DNAI4: variants seen among roughly 807,000 people sequenced by gnomAD.
The protein encoded by DNAI4 is dynein axonemal intermediate chain 4.
Under a neutral mutation model 105.8 loss-of-function variants are expected in DNAI4, and 85 were observed. The ratio of observed to expected loss-of-function variants is 0.80; its 90% confidence interval spans 0.67 to 0.96. The LOEUF is 0.96. DNAI4 is among the 40% of genes least tolerant of loss of function. The probability of loss-of-function intolerance (pLI) is 0.00; values close to 1 mark genes in which losing one functional copy is unlikely to be tolerated. For missense variants in DNAI4, 1,014 were observed against 1,005.6 expected (o/e 1.01, Z -0.11); for synonymous variants, 352 against 331.5 (o/e 1.06, Z -0.67).
At chr1:66,909,095 A>G (rs1649465613) in intron 1 of DNAI4, among the ~76,000 whole-genome samples, 1 of 152,084 alleles carries the variant, frequency 6.6e-6, no homozygotes, top group South Asian at 2.1e-4. Flanking sequence ...CTCTCTCTGC[A>G]TCATAAGTTT....
chr1:66,836,223 AGAGAGAGAG>A (rs1646001323), intron 10 of DNAI4, among the ~76,000 whole-genome samples: 7 of 148,758 alleles, frequency 4.7e-5, no homozygotes, highest in South Asian at 2.1e-4. Flanking sequence ...AGAGAGAGAG[AGAGAGAGAG>A]AGAAAGAAAG....
In DNAI4 at chr1:66,835,767, C is replaced by A. The variant is rs759264133; in HGVS notation, c.1592G>T (p.Arg531Leu). 5.6e-6 allele frequency: 9 copies of A among 1,613,626 alleles called. No homozygotes were observed. In the South Asian group the frequency reaches 9.9e-5, roughly 18 times the overall value. Residue 531 changes from arginine (R) to leucine (L), a missense_variant, in exon 11 of 17, where the codon CGT becomes CTT. Coordinates refer to ENST00000371026, the MANE Select transcript of DNAI4 (RefSeq NM_024763.5). ...AACTCCATATGGACTCTGATAAATA[C>A]GTTCTGGCCACTAAATTTTAAAAAA... is the stretch of plus-strand genomic sequence containing the variant. Reference protein sequence around the residue: ...WSIKNPMWPERIYQSPYGVTA... With the variant: ...WSIKNPMWPELIYQSPYGVTA...
chr1:66,923,193 T>C (rs1441665016), intron 1 of DNAI4, among the ~76,000 whole-genome samples: 1 of 152,236 alleles, frequency 6.6e-6, no homozygotes, highest in African/African-American at 2.4e-5. Context: ...GTTGGTAGCC[T>C]AGAAGCAACA....
At chr1:66,837,635 T>C (rs745426101) in intron 10 of DNAI4, 75 bp downstream of exon 10, 7 of 1,407,344 alleles carry the variant, frequency 5.0e-6, no homozygotes, top group South Asian at 1.3e-5. Flanking sequence ...ATTTAATTAT[T>C]ACATGTAATT....
At chr1:66,904,021 G>A (rs1020243785) in intron 2 of DNAI4, among the ~76,000 whole-genome samples, 2 of 149,146 alleles carry the variant, frequency 1.3e-5, no homozygotes, top group African/African-American at 2.5e-5. Context: ...GTTTGTGTGT[G>A]TATATATACA....
At chr1:66,814,587 C>T (rs543915424) in intron 16 of DNAI4, among the ~76,000 whole-genome samples, 1 of 152,262 alleles carries the variant, frequency 6.6e-6, no homozygotes, top group South Asian at 2.1e-4. Flanking sequence ...CTAGGATGGT[C>T]TCGATCTCCT....
intron 7 of DNAI4, among the ~76,000 whole-genome samples, chr1:66,854,926 C>G (rs1646469592): frequency 6.6e-6 from 1 of 152,148 alleles, no homozygotes; most frequent in South Asian, 2.1e-4. Context: ...GTAAAGATAT[C>G]AATTCTTTTT....
At chr1:66,820,601 G>A (rs1055032041) in intron 16 of DNAI4, among the ~76,000 whole-genome samples, 15 of 152,002 alleles carry the variant, frequency 9.9e-5, no homozygotes, top group African/African-American at 2.9e-4. Context: ...GCAAGTTTAT[G>A]TATATTCAAA....
At chr1:66,855,522 G>T (rs929860929) in intron 7 of DNAI4, among the ~76,000 whole-genome samples, 1 of 152,154 alleles carries the variant, frequency 6.6e-6, no homozygotes, top group African/African-American at 2.4e-5. Context: ...AATGGAGAAA[G>T]ATATACTATC....
At chr1:66,887,367 G>A (rs55844007) in intron 4 of DNAI4, among the ~76,000 whole-genome samples, 42 of 152,164 alleles carry the variant, frequency 2.8e-4, no homozygotes, top group African/African-American at 9.2e-4. Context: ...TTTTCCATTT[G>A]TCCAACTTTT....
At chr1:66,831,025 A>G (rs112289458) in intron 13 of DNAI4, among the ~76,000 whole-genome samples, 18 of 151,030 alleles carry the variant, frequency 1.2e-4, no homozygotes, top group African/African-American at 3.6e-4. Context: ...ATATTCCACA[A>G]CTGTTAAAGG....
chr1:66,863,856 T>C (rs1466043028), intron 6 of DNAI4, among the ~76,000 whole-genome samples: 1 of 152,216 alleles, frequency 6.6e-6, no homozygotes. Context: ...GAATACCTAG[T>C]ATATTTTGCT....
intron 16 of DNAI4, among the ~76,000 whole-genome samples, chr1:66,817,324 G>C (rs1420775929): frequency 6.6e-6 from 1 of 152,184 alleles, no homozygotes; most frequent in African/African-American, 2.4e-5. Flanking sequence ...TGTAATCCCA[G>C]CACTTGAGGA....
At chr1:66,861,620 T>C (rs1646627602) in intron 7 of DNAI4, among the ~76,000 whole-genome samples, 1 of 152,222 alleles carries the variant, frequency 6.6e-6, no homozygotes, top group Admixed American at 6.5e-5. Context: ...TACTGACATT[T>C]TGGGTTGAAA....
chr1:66,903,047 A>C (rs984077872), intron 2 of DNAI4, among the ~76,000 whole-genome samples: 8 of 152,176 alleles, frequency 5.3e-5, no homozygotes, highest in Non-Finnish European at 1.0e-4. Flanking sequence ...TTTCATATAC[A>C]TTTTAGGATA....
At chr1:66,833,839 C>T (rs1446661458) in intron 12 of DNAI4, 133 bp from the exon 13 acceptor site, 2 of 1,394,836 alleles carry the variant, frequency 1.4e-6, no homozygotes, top group Non-Finnish European at 1.9e-6. Context: ...CTAAAATTAG[C>T]ACACACCAGA....
chr1:66,913,017 T>C (rs763464630), intron 1 of DNAI4, among the ~76,000 whole-genome samples: 11 of 152,316 alleles, frequency 7.2e-5, no homozygotes, highest in Non-Finnish European at 1.3e-4. Flanking sequence ...ATGGCAAGTT[T>C]TTCCTGCTTC....
intron 16 of DNAI4, among the ~76,000 whole-genome samples, chr1:66,821,810 AAT>A (rs1268641586): frequency 1.3e-5 from 2 of 152,122 alleles, no homozygotes; most frequent in Non-Finnish European, 2.9e-5. Context: ...AAACATAAGA[AAT>A]AGAGAAAAAA....
At chr1:66,916,083 T>TAAA (rs34693536) in intron 1 of DNAI4, among the ~76,000 whole-genome samples, 36 of 117,428 alleles carry the variant, frequency 3.1e-4, no homozygotes, top group African/African-American at 9.8e-4. Flanking sequence ...AGACTCTGTC[T>TAAA]AAAAAAAAAA....
Sources: gnomAD v4.1 joint callset for allele counts (sites outside exome capture counted in the v4.1 genomes callset) on GRCh38, gnomAD v4.1.1 for gene constraint, MANE v1.5 for transcripts, NCBI Gene and HGNC (gene_info 2026-07-23, HGNC 2026-07-21) for gene names.